PDS5A: variants seen among roughly 807,000 people sequenced by gnomAD.
The protein encoded by PDS5A is PDS5 cohesin associated factor A.
A neutral mutation model predicts 167.1 loss-of-function variants in PDS5A; 42 were observed. The ratio of observed to expected loss-of-function variants is 0.25; its 90% CI spans 0.20 to 0.33. PDS5A has a LOEUF of 0.33. Ranked by LOEUF, PDS5A falls within the 10% of genes least tolerant of loss-of-function variation. PDS5A has a pLI of 1.00. For synonymous variants in PDS5A, 553 were observed against 554.6 expected (o/e 1.00, Z 0.04); for missense variants, 1,033 against 1,605.9 (o/e 0.64, Z 6.10).
At chr4:39,838,654 T>C (rs1578578364) in intron 31 of PDS5A, among the ~76,000 whole-genome samples, 1 of 151,700 alleles carries the variant, frequency 6.6e-6, no homozygotes, top group South Asian at 2.1e-4. Context: ...GCCTGGGAGG[T>C]TGAGGCTACA....
chr4:39,938,094 A>G (rs1726813057), intron 2 of PDS5A, among the ~76,000 whole-genome samples: 1 of 152,172 alleles, frequency 6.6e-6, no homozygotes, highest in African/African-American at 2.4e-5. Flanking sequence ...TAACCAATTC[A>G]CCTATTTCTA....
chr4:39,944,046 C>T (rs907977461), intron 2 of PDS5A, among the ~76,000 whole-genome samples: 6 of 150,832 alleles, frequency 4.0e-5, no homozygotes, highest in African/African-American at 7.3e-5. Context: ...GGCGTGGTGG[C>T]GGGCACCTGT....
intron 2 of PDS5A, among the ~76,000 whole-genome samples, chr4:39,964,965 A>T (rs1729841366): frequency 6.6e-6 from 1 of 152,056 alleles, no homozygotes; most frequent in Admixed American, 6.6e-5. Flanking sequence ...ATAATAATAA[A>T]ATAATAATTT....
chr4:39,900,475 A>T lies in PDS5A; in HGVS notation c.1532T>A (p.Met511Lys). ...ALNEMWKCQN[M>K]LRSHVRELLD... ...TAGTTCGCGTACATGGCTCCGAAGC[A>T]TGTTCTGACACTTCCACATTTCGTT... The change falls in exon 14 of 33, where the codon ATG becomes AAG. Residue 511 changes from methionine to lysine, a missense_variant. This residue lies in a region of PDS5A where 388 missense variants were observed against 615.1 expected (regional missense o/e 0.63). Coordinates refer to ENST00000303538, the MANE Select transcript of PDS5A (RefSeq NM_001100399.2). The T allele has an allele frequency of 6.3e-7, 1 of 1,583,800 alleles. No individual in the cohort carries two copies. Among genetic ancestry groups the T allele is most frequent in the Non-Finnish European group, 8.6e-7 (1 of 1,162,930 alleles).
Position 39,927,970 on chromosome 4 carries a change from A to G in PDS5A, c.333T>C (p.Asp111=). 6.2e-7 allele frequency: 1 copy of G among 1,611,306 alleles called. No individual in the cohort carries two copies. The highest frequency in any genetic ancestry group is 8.5e-7 in the Non-Finnish European group (1 of 1,177,450). Residue 111 remains aspartate, a synonymous_variant, in exon 3 of 33, where the codon GAT becomes GAC. Coordinates refer to ENST00000303538, the MANE Select transcript of PDS5A (RefSeq NM_001100399.2). ...YAPEAPYTSH[D]KLKDIFLFIT... Reference sequence around the variant, plus strand: ...AAAAGGCTGTATTTACCTTAAGTTTATCATGGGAAGTATATGGAGCTTCTG... The same window carrying G: ...AAAAGGCTGTATTTACCTTAAGTTTGTCATGGGAAGTATATGGAGCTTCTG...
At chr4:39,866,027 TGTGC>T (rs1719418222) in intron 23 of PDS5A, among the ~76,000 whole-genome samples, 1 of 151,520 alleles carries the variant, frequency 6.6e-6, no homozygotes, top group Non-Finnish European at 1.5e-5. Context: ...ACAATCTCTG[TGTGC>T]ACATACAAGT....
At position 39,976,589 on chromosome 4, in the gene PDS5A, A is replaced by G. The variant is rs751196004; in HGVS notation, c.-12T>C. 1 of 1,606,980 alleles carries G rather than the reference A, an allele frequency of 6.2e-7. No homozygotes were observed. Among genetic ancestry groups the G allele is most frequent in the East Asian group, 2.2e-5 (1 of 44,734 alleles). Reference sequence around the variant, plus strand: ...GCGGTGAAGTCCATCCTGGGGGACAACTTTTGGTTCACAGTCCTCTACCGG... The same window carrying G: ...GCGGTGAAGTCCATCCTGGGGGACAGCTTTTGGTTCACAGTCCTCTACCGG... On this transcript the variant is annotated 5_prime_UTR_variant, in exon 2 of 33. Transcript: ENST00000303538.
At chr4:39,972,745 T>C (rs1222483453) in intron 2 of PDS5A, among the ~76,000 whole-genome samples, 1 of 152,012 alleles carries the variant, frequency 6.6e-6, no homozygotes, top group East Asian at 1.9e-4. Context: ...TTACGCTTCC[T>C]TGCTCAGTTA....
chr4:39,964,220 G>C (rs946011723), intron 2 of PDS5A, among the ~76,000 whole-genome samples: 11 of 152,138 alleles, frequency 7.2e-5, no homozygotes, highest in Non-Finnish European at 8.8e-5. Flanking sequence ...ATGGATGTTA[G>C]AGGAAATCCA....
rs556781502 is a variant in PDS5A at position 39,970,914 on chromosome 4, T to A, written c.138+5526A>T. On this transcript the variant is annotated intron_variant, in intron 2 of 32. Transcript: ENST00000303538. Reference sequence around the variant, plus strand: ...CCTGGGCTTGAGTGATCCTCCCACCTCACCCTCCTGAGTAGCTACGACCAT... The same window carrying A: ...CCTGGGCTTGAGTGATCCTCCCACCACACCCTCCTGAGTAGCTACGACCAT... 1.9e-4 allele frequency among the ~76,000 whole-genome samples: 27 copies of A among 140,196 alleles called. No homozygotes were observed. In the East Asian group the frequency reaches 6.1e-3, roughly 32 times the overall value. 92.0% of individuals were successfully genotyped at this position (140,196 alleles called of 152,430 possible).
chr4:39,933,583 T>C (rs1279922849), intron 2 of PDS5A: 1 of 151,898 alleles, frequency 6.6e-6, no homozygotes, highest in African/African-American at 2.4e-5. Flanking sequence ...TGTTATTAAA[T>C]TAAAATAAAC....
intron 7 of PDS5A, among the ~76,000 whole-genome samples, chr4:39,919,271 G>A (rs772875671): frequency 2.0e-5 from 3 of 152,120 alleles, no homozygotes; most frequent in Non-Finnish European, 4.4e-5. Flanking sequence ...AAGGAAATAC[G>A]TATCAAGAAA....
At chr4:39,938,502 C>T (rs1384321618) in intron 2 of PDS5A, among the ~76,000 whole-genome samples, 2 of 151,562 alleles carry the variant, frequency 1.3e-5, no homozygotes, top group African/African-American at 4.9e-5. Flanking sequence ...TGTAGTGAGC[C>T]AAGATCGTGC....
intron 2 of PDS5A, among the ~76,000 whole-genome samples, chr4:39,954,687 A>C (rs938015317): frequency 2.9e-4 from 44 of 151,406 alleles, no homozygotes; most frequent in African/African-American, 1.0e-3. Context: ...AAAAAAAAAA[A>C]AAAAAAAAAA....
At chr4:39,888,903 T>G (rs1250107405) in intron 17 of PDS5A, among the ~76,000 whole-genome samples, 1 of 152,214 alleles carries the variant, frequency 6.6e-6, no homozygotes, top group Non-Finnish European at 1.5e-5. Context: ...TGAATGTTTC[T>G]AGCATAAAGA....
chr4:39,920,391 A>G lies in PDS5A; in HGVS notation c.663T>C (p.Asn221=). 2 of 1,504,896 alleles carry G rather than the reference A, an allele frequency of 1.3e-6. No individual in the cohort carries two copies. The highest frequency in any genetic ancestry group is 1.8e-6 in the Non-Finnish European group (2 of 1,089,588). The allele number at this position is 1,504,896 out of a possible 1,614,324, so 93.2% of individuals were successfully genotyped here. Residue 221 remains asparagine, a synonymous_variant, in exon 7 of 33, where the codon AAT becomes AAC. Coordinates refer to ENST00000303538, the MANE Select transcript of PDS5A (RefSeq NM_001100399.2). The part of the protein sequence containing the change: ...INLIPAHKNL[N]KQSFDLAKVL... ...CTTTTGCAAGGTCAAAGGACTGTTT[A>G]TTTAAGTTCTGAAAAATAATAAAAA...
intron 32 of PDS5A, among the ~76,000 whole-genome samples, chr4:39,831,894 A>G (rs1022435990): frequency 5.4e-5 from 8 of 149,140 alleles, no homozygotes; most frequent in African/African-American, 2.0e-4. Flanking sequence ...AAAAAAAAAA[A>G]AAAAAAAAAA....
chr4:39,845,790 G>A (rs528052176), intron 29 of PDS5A, 28 bp downstream of exon 29: 9 of 1,375,732 alleles, frequency 6.5e-6, no homozygotes, highest in Non-Finnish European at 8.5e-6. Context: ...ATGAAACAAA[G>A]ATCTCAAAAT....
At chr4:39,906,917 T>TAAA (rs1191690836) in intron 11 of PDS5A, among the ~76,000 whole-genome samples, 2,364 of 53,358 alleles carry the variant, frequency 0.044, 151 homozygotes, top group African/African-American at 0.083. Flanking sequence ...ATTTCTTACA[T>TAAA]AAAAAAAAAA....
Sources: gnomAD v4.1 joint callset for allele counts (sites outside exome capture counted in the v4.1 genomes callset) on GRCh38, gnomAD v4.1.1 for gene constraint, gnomAD v4.1.1 regional missense constraint, MANE v1.5 for transcripts, NCBI Gene and HGNC (gene_info 2026-07-23, HGNC 2026-07-21) for gene names.